The following PTPRG variants were observed in gnomAD, a reference collection of about 807,000 sequenced individuals.
PTPRG encodes receptor-type tyrosine-protein phosphatase gamma.
Under a neutral mutation model 165.3 loss-of-function variants are expected in PTPRG, and 102 were observed. That is an observed-to-expected ratio of 0.62 (90% CI 0.53 to 0.73). PTPRG has a LOEUF of 0.73. Among genes scored for constraint, PTPRG ranks in the 30% least tolerant of loss-of-function variants. The pLI is 0.00. For missense variants in PTPRG, 1,866 were observed against 1,861.4 expected (o/e 1.00, Z -0.05); for synonymous variants, 675 against 669.5 (o/e 1.01, Z -0.13).
chr3:61,657,421 C>G (rs1299529646), intron 1 of PTPRG, among the ~76,000 whole-genome samples: 1 of 151,950 alleles, frequency 6.6e-6, no homozygotes, highest in Non-Finnish European at 1.5e-5. Context: ...CATTTTGAGG[C>G]CAGGAGTTTG....
At chr3:61,957,577 G>A (rs1044053675) in intron 2 of PTPRG, among the ~76,000 whole-genome samples, 5 of 152,122 alleles carry the variant, frequency 3.3e-5, no homozygotes, top group Admixed American at 1.3e-4. Flanking sequence ...TCCTAACCAC[G>A]GGAACAATTA....
intron 2 of PTPRG, among the ~76,000 whole-genome samples, chr3:61,751,560 T>C (rs1477083600): frequency 6.6e-6 from 1 of 152,206 alleles, no homozygotes; most frequent in African/African-American, 2.4e-5. Context: ...TGAAGTCATA[T>C]AGACAAACCA....
intron 8 of PTPRG, among the ~76,000 whole-genome samples, chr3:62,186,813 C>T (rs1699663271): frequency 6.6e-6 from 1 of 152,088 alleles, no homozygotes; most frequent in South Asian, 2.1e-4. Context: ...GCGATCCACC[C>T]ACCATGGCCT....
At chr3:61,786,749 CTAA>C (rs10539362) in intron 2 of PTPRG, among the ~76,000 whole-genome samples, 18,474 of 152,036 alleles carry the variant, frequency 0.12, 1,299 homozygotes, top group African/African-American at 0.2. Flanking sequence ...AGTTTTGAAA[CTAA>C]TATGTCTTTA....
chr3:61,906,543 G>A (rs1027111445), intron 2 of PTPRG, among the ~76,000 whole-genome samples: 1 of 152,172 alleles, frequency 6.6e-6, no homozygotes, highest in Admixed American at 6.6e-5. Context: ...GTCGAGGTAG[G>A]AGGATCACTT....
At chr3:62,126,865 C>T (rs1429052958) in intron 5 of PTPRG, among the ~76,000 whole-genome samples, 1 of 152,180 alleles carries the variant, frequency 6.6e-6, no homozygotes, top group African/African-American at 2.4e-5. Flanking sequence ...GTTTGGGATG[C>T]CACATGTGCC....
intron 1 of PTPRG, among the ~76,000 whole-genome samples, chr3:61,673,792 T>C (rs1273995623): frequency 1.3e-5 from 2 of 152,046 alleles, no homozygotes; most frequent in Non-Finnish European, 2.9e-5. Flanking sequence ...ATTGGGAGGA[T>C]TGGAGTAAGA....
chr3:61,984,390 G>A lies in PTPRG; in HGVS notation c.191-5235G>A, dbSNP rs552952910. On this transcript the variant is annotated intron_variant, in intron 2 of 29. Coordinates refer to ENST00000474889, the MANE Select transcript of PTPRG (RefSeq NM_002841.4). ...TTTACCGTAGTCTCTTGTTTCCTTC[G>A]TCTTTTGTGTTTGCAGACTCCATTT... Among the ~76,000 whole-genome samples the A allele has an allele frequency of 7.2e-5, 11 of 151,912 alleles. No homozygotes were observed. The South Asian group carries it at 1.7e-3, about 23-fold the overall frequency.
chr3:61,939,304 A>G (rs2039555360), intron 2 of PTPRG, among the ~76,000 whole-genome samples: 1 of 152,262 alleles, frequency 6.6e-6, no homozygotes, highest in African/African-American at 2.4e-5. Flanking sequence ...GCAGACCTCA[A>G]ACAAGCTCCT....
intron 2 of PTPRG, among the ~76,000 whole-genome samples, chr3:61,923,856 A>G (rs549896989): frequency 6.6e-6 from 1 of 151,654 alleles, no homozygotes; most frequent in African/African-American, 2.4e-5. Context: ...TTCTATCACT[A>G]TGCTATTATG....
intron 2 of PTPRG, among the ~76,000 whole-genome samples, chr3:61,962,360 G>T (rs917330932): frequency 6.6e-6 from 1 of 152,204 alleles, no homozygotes; most frequent in Admixed American, 6.5e-5. Context: ...TCACCTAGTT[G>T]TGAAATCTTT....
intron 5 of PTPRG, among the ~76,000 whole-genome samples, chr3:62,123,720 G>C (rs1231750480): frequency 5.9e-5 from 9 of 152,062 alleles, no homozygotes; most frequent in Admixed American, 4.6e-4. Context: ...TAATTAAAGA[G>C]TTAACAAGGT....
intron 5 of PTPRG, among the ~76,000 whole-genome samples, chr3:62,107,388 A>G (rs1702510073): frequency 1.3e-5 from 2 of 152,242 alleles, no homozygotes; most frequent in South Asian, 4.1e-4. Flanking sequence ...TGCCTACAGC[A>G]TGATAGATGC....
intron 2 of PTPRG, among the ~76,000 whole-genome samples, chr3:61,913,816 A>C (rs2038864253): frequency 6.6e-6 from 1 of 152,154 alleles, no homozygotes; most frequent in African/African-American, 2.4e-5. Context: ...TTATGTGACT[A>C]ATCTCTAAGG....
intron 6 of PTPRG, among the ~76,000 whole-genome samples, chr3:62,133,169 C>G (rs112065195): frequency 6.6e-6 from 1 of 152,110 alleles, no homozygotes; most frequent in Admixed American, 6.5e-5. Context: ...GGCATAAAAC[C>G]GGGAGAGAAA....
intron 6 of PTPRG, among the ~76,000 whole-genome samples, chr3:62,138,732 AAAAAG>A (rs1331928654): frequency 6.6e-6 from 1 of 151,652 alleles, no homozygotes; most frequent in African/African-American, 2.4e-5. Flanking sequence ...AAAAAAAAAA[AAAAAG>A]AAAGACGAAA....
intron 12 of PTPRG, among the ~76,000 whole-genome samples, chr3:62,207,189 C>T (rs1269592935): frequency 6.6e-6 from 1 of 152,148 alleles, no homozygotes; most frequent in Admixed American, 6.5e-5. Context: ...TTAATTCTGC[C>T]TTGTAGCACA....
chr3:62,138,255 A>G (rs1405707778), intron 6 of PTPRG, among the ~76,000 whole-genome samples: 2 of 152,248 alleles, frequency 1.3e-5, no homozygotes, highest in African/African-American at 4.8e-5. Context: ...CTAAGTCATT[A>G]GCAAAAACAC....
rs545306729 is a variant in PTPRG, at chr3:61,976,612, A to G, written c.191-13013A>G. Among the ~76,000 whole-genome samples, 14 of 152,220 alleles carry G rather than the reference A, an allele frequency of 9.2e-5. No individual in the cohort carries two copies. The South Asian group carries it at 2.7e-3, about 29-fold the overall frequency. ...ATAAATTGTCTCATTTTTAGTTTCA[A>G]ATGAAGTATTTGTTTTAATATGGAT... On this transcript the variant is annotated intron_variant, in intron 2 of 29. Coordinates refer to ENST00000474889, the MANE Select transcript of PTPRG (RefSeq NM_002841.4).
Sources: gnomAD v4.1 joint callset for allele counts (sites outside exome capture counted in the v4.1 genomes callset) on GRCh38, gnomAD v4.1.1 for gene constraint, MANE v1.5 for transcripts, NCBI Gene and HGNC (gene_info 2026-07-23, HGNC 2026-07-21) for gene names.